Variants in BRWD3 observed in about 807,000 individuals in gnomAD.
The protein encoded by BRWD3 is bromodomain and WD repeat domain containing 3.
BRWD3 carries 10 observed loss-of-function variants against 149.7 expected under a neutral mutation model. That is an observed-to-expected ratio of 0.07 (90% CI 0.04 to 0.11). The LOEUF (loss-of-function observed/expected upper bound fraction) is 0.11. Ranked by LOEUF, BRWD3 falls within the 10% of genes least tolerant of loss-of-function variation. The pLI, the probability that BRWD3 is intolerant of heterozygous loss-of-function variation, is 1.00. For synonymous variants in BRWD3, 504 were observed against 456.7 expected, an observed-to-expected ratio of 1.10 and a Z score of -1.32; for missense variants, 940 against 1,373.2, an observed-to-expected ratio of 0.68 and a Z score of 4.99.
intron 4 of BRWD3, among the ~76,000 whole-genome samples, chrX:80,801,214 C>T (rs868742614): frequency 2.4e-4 from 14 of 57,371 alleles, no homozygotes; most frequent in South Asian, 8.2e-4. Flanking sequence ...GAGAAAACAT[C>T]TTTTTTTTTT....
Position 80,671,863 on chromosome X carries a change from AG to A in BRWD3, c.*4745del, listed in dbSNP as rs1448576668. The A allele has an allele frequency of 8.9e-6, 1 of 112,117 alleles. No homozygotes were observed. The highest frequency in any genetic ancestry group is 1.9e-5 in the Non-Finnish European group (1 of 53,202). The allele number at this position is 112,117 out of a possible 1,213,427, so 9.2% of individuals were successfully genotyped here. ...ACAAAAGACAAGAATGATAAGTTAC[AG>A]GACAAAGAAATAAATTACTGATTGC... On this transcript the variant is annotated 3_prime_UTR_variant, in exon 41 of 41. Coordinates refer to ENST00000373275, the MANE Select transcript of BRWD3 (RefSeq NM_153252.5).
At chrX:80,792,511 T>C (rs1161347236) in intron 5 of BRWD3, among the ~76,000 whole-genome samples, 1 of 111,945 alleles carries the variant, frequency 8.9e-6, no homozygotes, top group Non-Finnish European at 1.9e-5. Context: ...ATATTAAATA[T>C]TACTAATAAC....
intron 14 of BRWD3, among the ~76,000 whole-genome samples, chrX:80,726,959 G>A (rs2073259258): frequency 1.8e-5 from 2 of 109,227 alleles, no homozygotes; most frequent in Admixed American, 2.0e-4. Context: ...AAACTCTAAT[G>A]ATAATGACAT....
At chrX:80,808,056 C>T (rs2074366679) in intron 4 of BRWD3, among the ~76,000 whole-genome samples, 1 of 92,701 alleles carries the variant, frequency 1.1e-5, no homozygotes, top group African/African-American at 4.0e-5. Context: ...CCCACGCCTC[C>T]CCCCTGCCCC....
At position 80,775,961 on chromosome X, in the gene BRWD3, C is replaced by G. The variant is rs1179799618; in HGVS notation, c.430+15893G>C. Among the ~76,000 whole-genome samples the G allele has an allele frequency of 2.7e-5, 3 of 111,776 alleles. No homozygotes were observed. In the East Asian group the frequency reaches 8.4e-4, roughly 31 times the overall value. ...CTTTGTAAATAAAGAAATTAAGGCC[C>G]AAAGAAACTAAGTGTGCTGCCTAAC... On this transcript the variant is annotated intron_variant, in intron 6 of 40. Coordinates refer to ENST00000373275, the MANE Select transcript of BRWD3 (RefSeq NM_153252.5).
At chrX:80,707,765 T>C (rs2072888815) in intron 21 of BRWD3, among the ~76,000 whole-genome samples, 1 of 112,050 alleles carries the variant, frequency 8.9e-6, no homozygotes, top group Non-Finnish European at 1.9e-5. Flanking sequence ...ATTTCTTGAG[T>C]CCAAATATAA....
At chrX:80,723,905 TTAAGAG>T in intron 15 of BRWD3, 29 bp from the exon 16 acceptor site, 1 of 1,200,612 alleles carries the variant, frequency 8.3e-7, no homozygotes, top group East Asian at 3.0e-5. Flanking sequence ...TCAAGTCATC[TTAAGAG>T]TAATTTTCAA....
At position 80,717,564 on chromosome X, in the gene BRWD3, T is replaced by C. The variant is rs776515257; in HGVS notation, c.2231+9A>G. On this transcript the variant is annotated intron_variant, in intron 19 of 40. Coordinates refer to ENST00000373275, the MANE Select transcript of BRWD3 (RefSeq NM_153252.5). ...AAATTTTTTTCTAAATGTTACCTTA[T>C]TGACTCACCTACTAACCCCATTATT... 1.7e-6 allele frequency: 2 copies of C among 1,207,609 alleles called. No homozygotes were observed. Among genetic ancestry groups the C allele is most frequent in the East Asian group, 3.0e-5 (1 of 33,833 alleles).
intron 6 of BRWD3, among the ~76,000 whole-genome samples, chrX:80,788,198 C>A (rs769618856): frequency 9.1e-6 from 1 of 109,703 alleles, no homozygotes; most frequent in South Asian, 3.9e-4. Flanking sequence ...AGGGGGAGGC[C>A]GAGGCAGGTG....
Position 80,673,985 on chromosome X carries a change from G to A in BRWD3, c.*2624C>T, listed in dbSNP as rs1441615389. On this transcript the variant is annotated 3_prime_UTR_variant, in exon 41 of 41. Coordinates refer to ENST00000373275, the MANE Select transcript of BRWD3 (RefSeq NM_153252.5). ...AGGTGGTATTACAAGAAAGCAAAGT[G>A]TAAATTGGGGGAAAAAAAAGTCCAG... The A allele has an allele frequency of 9.0e-6, 1 of 111,040 alleles. No individual in the cohort carries two copies. Among genetic ancestry groups the A allele is most frequent in the East Asian group, 2.8e-4 (1 of 3,543 alleles). 9.2% of individuals were successfully genotyped at this position (111,040 alleles called of 1,213,427 possible).
chrX:80,676,345 CTGTGTGTGTGTA>C lies in BRWD3; in HGVS notation c.*252_*263del, dbSNP rs2072366388. On this transcript the variant is annotated 3_prime_UTR_variant, in exon 41 of 41. Coordinates refer to ENST00000373275, the MANE Select transcript of BRWD3 (RefSeq NM_153252.5). ...TGTGTTGTGTTTCGTGTGTGTGTGT[CTGTGTGTGTGTA>C]TGTGTGTGTATGTGTTTGTGTGTGT... is the stretch of plus-strand genomic sequence containing the variant. The C allele has an allele frequency of 1.2e-5, 4 of 345,325 alleles. No homozygotes were observed. Among genetic ancestry groups the C allele is most frequent in the South Asian group, 5.1e-5 (1 of 19,760 alleles). 28.5% of individuals were successfully genotyped at this position (345,325 alleles called of 1,213,427 possible).
chrX:80,753,899 G>A (rs999038675), intron 6 of BRWD3, among the ~76,000 whole-genome samples: 28 of 111,192 alleles, frequency 2.5e-4, no homozygotes, highest in Admixed American at 9.6e-4. Context: ...TTTTATACCC[G>A]TACAATGCTG....
At chrX:80,749,576 T>C (rs1429520130) in intron 6 of BRWD3, among the ~76,000 whole-genome samples, 1 of 111,351 alleles carries the variant, frequency 9.0e-6, no homozygotes, top group Non-Finnish European at 1.9e-5. Flanking sequence ...ATGGGTGTCC[T>C]TAGAGATGAT....
At position 80,717,614 on chromosome X, in the gene BRWD3, G is replaced by T; in HGVS notation, c.2190C>A (p.Ser730Arg). 8.3e-7 allele frequency: 1 copy of T among 1,211,141 alleles called. No individual in the cohort carries two copies. The highest frequency in any genetic ancestry group is 1.1e-6 in the Non-Finnish European group (1 of 895,212). ...TTAGTTCATTGACCACCACTCTTCT[G>T]CTCCACGCCATGAGATCTCTTTCAG... is the stretch of plus-strand genomic sequence containing the variant. ...MATERDLMAW[S>R]RRVVVNELNN... The change falls in exon 19 of 41, where the codon AGC (serine) becomes AGA (arginine). Residue 730 changes from serine to arginine, a missense_variant. Physicochemically the swap from Ser to Arg is moderately radical, Grantham distance 110. Coordinates refer to ENST00000373275, the MANE Select transcript of BRWD3 (RefSeq NM_153252.5).
Position 80,690,138 on chromosome X carries a change from A to G in BRWD3, c.3603-46T>C, listed in dbSNP as rs2072591972. 5 of 1,157,018 alleles carry G rather than the reference A, an allele frequency of 4.3e-6. No individual in the cohort carries two copies. In the East Asian group the frequency reaches 1.5e-4, roughly 35 times the overall value. ...TGTTAGCCTTGGCTAATATATTTAA[A>G]GTATATTTTAGGAATATACAATATG... On this transcript the variant is annotated intron_variant, in intron 31 of 40. Transcript: ENST00000373275.
rs1444417845 is a variant in BRWD3 at position 80,675,838 on chromosome X, T to G, written c.*771A>C. On this transcript the variant is annotated 3_prime_UTR_variant, in exon 41 of 41. Coordinates refer to ENST00000373275, the MANE Select transcript of BRWD3 (RefSeq NM_153252.5). ...AAACTTTTGCATTTGGCACCTTGTC[T>G]AGATTGATACCTCAAGTATTCTTTT... 2 of 111,943 alleles carry G rather than the reference T, an allele frequency of 1.8e-5. No individual in the cohort carries two copies. The highest frequency in any genetic ancestry group is 1.9e-4 in the Admixed American group (2 of 10,537). 9.2% of individuals were successfully genotyped at this position (111,943 alleles called of 1,213,427 possible).
intron 6 of BRWD3, among the ~76,000 whole-genome samples, chrX:80,777,346 G>A (rs773306966): frequency 1.3e-4 from 15 of 111,212 alleles, no homozygotes; most frequent in Non-Finnish European, 2.3e-4. Context: ...TCATCAAATT[G>A]GCACCAAGTT....
chrX:80,736,412 C>T (rs1418604218), intron 8 of BRWD3, among the ~76,000 whole-genome samples: 1 of 111,586 alleles, frequency 9.0e-6, no homozygotes, highest in Non-Finnish European at 1.9e-5. Flanking sequence ...AAGCACATTA[C>T]TACTTAAACC....
intron 6 of BRWD3, among the ~76,000 whole-genome samples, chrX:80,784,908 G>T (rs957626114): frequency 1.8e-5 from 2 of 111,663 alleles, no homozygotes; most frequent in African/African-American, 6.5e-5. Flanking sequence ...ACCCAGAAAT[G>T]GGATTGCTGG....
Sources: allele counts gnomAD v4.1 joint callset (sites outside exome capture counted in the v4.1 genomes callset), GRCh38; gene constraint gnomAD v4.1.1; transcripts MANE v1.5; gene names NCBI Gene and HGNC (gene_info 2026-07-23, HGNC 2026-07-21).